The following NARS1 variants were observed in gnomAD, a reference collection of about 807,000 sequenced individuals.
The protein encoded by NARS1 is asparagine--tRNA ligase, cytoplasmic.
Under a neutral mutation model 79.2 loss-of-function variants are expected in NARS1, and 65 were observed. The observed-to-expected ratio is 0.82, with a 90% CI of 0.67 to 1.01. NARS1 has a LOEUF of 1.01. Among genes scored for constraint, NARS1 ranks in the 50% least tolerant of loss-of-function variants. The probability of loss-of-function intolerance (pLI) is 0.00; values close to 1 mark genes in which losing one functional copy is unlikely to be tolerated. For missense variants in NARS1, 649 were observed against 673.8 expected, an observed-to-expected ratio of 0.96 and a Z score of 0.41; for synonymous variants, 229 against 238.8, an observed-to-expected ratio of 0.96 and a Z score of 0.38.
In NARS1 at chr18:57,621,816, T is replaced by C. The variant is rs1908318855; in HGVS notation, c.-99A>G. 4.4e-6 allele frequency: 7 copies of C among 1,593,384 alleles called. No individual in the cohort carries two copies. Among genetic ancestry groups the C allele is most frequent in the African/African-American group, 1.3e-5 (1 of 74,168 alleles). On this transcript the variant is annotated 5_prime_UTR_variant, in exon 1 of 14. Coordinates refer to ENST00000256854, the MANE Select transcript of NARS1 (RefSeq NM_004539.4). ...CCGGCGGTTTCCGCGATTCCGGCGT[T>C]GCATCAGAGAGCGTAGATCTGAGGG...
chr18:57,604,310 C>T (rs543394974), intron 11 of NARS1, among the ~76,000 whole-genome samples: 14 of 152,068 alleles, frequency 9.2e-5, no homozygotes, highest in Middle Eastern at 3.4e-3. Flanking sequence ...TCTCAACACT[C>T]GGGAGGCCGA....
Position 57,615,914 on chromosome 18 carries a change from T to G in NARS1, c.155A>C (p.Asn52Thr). 1 of 1,613,574 alleles carries G rather than the reference T, an allele frequency of 6.2e-7. No individual in the cohort carries two copies. The highest frequency in any genetic ancestry group is 8.5e-7 in the Non-Finnish European group (1 of 1,179,766). ...TTTAGAAATAACATTCCACCTCTCA[T>G]TTTCTTTTTGTGAATCTACGTAAAT... ...PTIYVDSQKE[N>T]ERWNVISKSQ... The change falls in exon 3 of 14, where the codon AAT (asparagine) becomes ACT (threonine). Residue 52 changes from asparagine (N) to threonine (T), a missense_variant. By Grantham distance (65) the Asn-to-Thr change is moderately conservative. Transcript: ENST00000256854.
At chr18:57,621,608 G>T in intron 1 of NARS1, 100 bp downstream of exon 1, 1 of 918,260 alleles carries the variant, frequency 1.1e-6, no homozygotes, top group Non-Finnish European at 1.8e-6. Context: ...TTCGCGGGGC[G>T]CCCACTCTGG....
At position 57,602,429 on chromosome 18, in the gene NARS1, C is replaced by CA; in HGVS notation, c.1440dup (p.Asp481Ter). Reference sequence around the variant, plus strand: ...TAACCTGCCAGTATTTCTTCACTATCAAAGATACGCATTGAGCCTCCCACA... The same window carrying CA: ...TAACCTGCCAGTATTTCTTCACTATCAAAAGATACGCATTGAGCCTCCCACA... On this transcript the variant is annotated frameshift_variant, in exon 13 of 14. Transcript: ENST00000256854. LOFTEE classifies it high-confidence loss of function. 1 of 1,613,878 alleles carries CA rather than the reference C, an allele frequency of 6.2e-7. No individual in the cohort carries two copies. The highest frequency in any genetic ancestry group is 8.5e-7 in the Non-Finnish European group (1 of 1,179,790).
chr18:57,619,337 G>A (rs1281438481), intron 2 of NARS1, among the ~76,000 whole-genome samples: 1 of 149,576 alleles, frequency 6.7e-6, no homozygotes, highest in Non-Finnish European at 1.5e-5. Context: ...AGCACTTTGG[G>A]AGGGTTAATA....
At chr18:57,609,086 G>A (rs1440221024) in intron 7 of NARS1, among the ~76,000 whole-genome samples, 1 of 152,152 alleles carries the variant, frequency 6.6e-6, no homozygotes, top group Non-Finnish European at 1.5e-5. Flanking sequence ...CTGCCCTGTC[G>A]GCTTCCCTAC....
chr18:57,602,144 G>A (rs922466569), intron 13 of NARS1, among the ~76,000 whole-genome samples: 2 of 151,976 alleles, frequency 1.3e-5, no homozygotes, highest in Non-Finnish European at 2.9e-5. Context: ...TCAACAAGCC[G>A]GCCGTTAAAC....
At position 57,607,526 on chromosome 18, in the gene NARS1, T is replaced by C; in HGVS notation, c.719A>G (p.Glu240Gly). The C allele has an allele frequency of 6.2e-7, 1 of 1,614,164 alleles. No homozygotes were observed. The highest frequency in any genetic ancestry group is 8.5e-7 in the Non-Finnish European group (1 of 1,180,044). ...LNNRHMMIRG[E>G]NMSKILKARS... ...TGCTTTTAGGATTTTGGACATGTTTTCTCCTCGGATCATCATGTGTCTGTT... is the reference window on the plus strand; with the variant it reads ...TGCTTTTAGGATTTTGGACATGTTTCCTCCTCGGATCATCATGTGTCTGTT... Residue 240 changes from glutamate to glycine, a missense_variant, in exon 8 of 14, where the codon GAA (glutamate) becomes GGA (glycine). Coordinates refer to ENST00000256854, the MANE Select transcript of NARS1 (RefSeq NM_004539.4).
intron 11 of NARS1, among the ~76,000 whole-genome samples, 173 bp from the exon 12 acceptor site, chr18:57,603,116 T>G (rs888291445): frequency 6.6e-6 from 1 of 151,996 alleles, no homozygotes; most frequent in African/African-American, 2.4e-5. Context: ...CAAAAAGAAA[T>G]AAACATATTC....
At chr18:57,602,038 A>T (rs891948057) in intron 13 of NARS1, among the ~76,000 whole-genome samples, 5 of 152,226 alleles carry the variant, frequency 3.3e-5, no homozygotes, top group Non-Finnish European at 4.4e-5. Context: ...AGAGATTTTT[A>T]AAAACTTTTA....
intron 9 of NARS1, 74 bp downstream of exon 9, chr18:57,607,060 A>T (rs1318124171): frequency 4.2e-6 from 6 of 1,424,084 alleles, no homozygotes; most frequent in Non-Finnish European, 5.7e-6. Flanking sequence ...ACATAAACAT[A>T]ATTTACCTAC....
chr18:57,612,369 ATTTAT>A lies in NARS1; in HGVS notation c.422-667_422-663del, dbSNP rs371345675. Among the ~76,000 whole-genome samples, 43 of 152,222 alleles carry A rather than the reference ATTTAT, an allele frequency of 2.8e-4. No homozygotes were observed. The East Asian group carries it at 7.7e-3, about 27-fold the overall frequency. On this transcript the variant is annotated intron_variant, in intron 5 of 13. Coordinates refer to ENST00000256854, the MANE Select transcript of NARS1 (RefSeq NM_004539.4). The stretch of plus-strand genomic sequence containing the variant: ...TTCTTGAACAAAATCACTTTTTCTT[ATTTAT>A]GTCCTAAAGGTCCAATTACTGAAAT...
At position 57,601,676 on chromosome 18, in the gene NARS1, T is replaced by C. The variant is rs759374008; in HGVS notation, c.1623A>G (p.Arg541=). 6.2e-7 allele frequency: 1 copy of C among 1,614,020 alleles called. No individual in the cohort carries two copies. The highest frequency in any genetic ancestry group is 8.5e-7 in the Non-Finnish European group (1 of 1,179,902). The change falls in exon 14 of 14, where the codon CGA becomes CGG. Residue 541 remains arginine, a synonymous_variant. Transcript: ENST00000256854. ...YHIRDVCLYP[R]FVQRCTP ...GTTATGGCGTGCAACGCTGGACAAATCGAGGGTATAAGCACACGTCTCGGA... is the reference window on the plus strand; with the variant it reads ...GTTATGGCGTGCAACGCTGGACAAACCGAGGGTATAAGCACACGTCTCGGA...
chr18:57,616,564 T>C (rs773142492), intron 2 of NARS1, among the ~76,000 whole-genome samples: 1 of 152,268 alleles, frequency 6.6e-6, no homozygotes, highest in Non-Finnish European at 1.5e-5. Flanking sequence ...TAAGTGGCTG[T>C]AGCAACCAGC....
chr18:57,608,022 C>G (rs557089980), intron 7 of NARS1, among the ~76,000 whole-genome samples: 12 of 152,082 alleles, frequency 7.9e-5, no homozygotes, highest in Non-Finnish European at 1.6e-4. Context: ...CGCCCACCAC[C>G]ACGTCTGGCT....
intron 11 of NARS1, among the ~76,000 whole-genome samples, chr18:57,604,621 G>A (rs924877517): frequency 1.3e-5 from 2 of 152,124 alleles, no homozygotes; most frequent in Non-Finnish European, 2.9e-5. Flanking sequence ...CAGATGCAGT[G>A]GCTCACGCCT....
At chr18:57,602,179 T>C (rs2051512710) in intron 13 of NARS1, among the ~76,000 whole-genome samples, 176 bp downstream of exon 13, 1 of 152,106 alleles carries the variant, frequency 6.6e-6, no homozygotes, top group Non-Finnish European at 1.5e-5. Context: ...AATTAACATA[T>C]AACTTGGCCA....
In NARS1 at chr18:57,601,446, GAA is replaced by G; in HGVS notation, c.*204_*205del. The G allele has an allele frequency of 1.1e-5, 5 of 449,442 alleles. No homozygotes were observed. The highest frequency in any genetic ancestry group is 1.9e-5 in the Non-Finnish European group (5 of 269,228). The allele number at this position is 449,442 out of a possible 1,614,324, so 27.8% of individuals were successfully genotyped here. On this transcript the variant is annotated 3_prime_UTR_variant, in exon 14 of 14. Coordinates refer to ENST00000256854, the MANE Select transcript of NARS1 (RefSeq NM_004539.4). ...CCCGAACTTTGTTTCCCGAACTTAA[GAA>G]AAAAATGGATATTTTTTCTTAAGAT...
chr18:57,620,443 T>A, intron 2 of NARS1, 126 bp downstream of exon 2: 1 of 647,824 alleles, frequency 1.5e-6, no homozygotes, highest in South Asian at 2.0e-5. Context: ...CATTCCTTAC[T>A]TTCCCTTTTC....
Sources: gnomAD v4.1 joint callset for allele counts (sites outside exome capture counted in the v4.1 genomes callset) on GRCh38, gnomAD v4.1.1 for gene constraint, MANE v1.5 for transcripts, NCBI Gene and HGNC (gene_info 2026-07-23, HGNC 2026-07-21) for gene names.